Variants in ARIH2 observed in about 807,000 individuals in gnomAD.
ARIH2 encodes ariadne RBR E3 ubiquitin protein ligase 2, also known as E3 ubiquitin-protein ligase ARIH2.
A neutral mutation model predicts 79.8 loss-of-function variants in ARIH2; 12 were observed. That is an observed-to-expected ratio of 0.15 (90% CI 0.10 to 0.24). ARIH2 has a LOEUF of 0.24. ARIH2 is among the 10% of genes least tolerant of loss of function. The pLI, the probability that ARIH2 is intolerant of heterozygous loss-of-function variation, is 1.00. For synonymous variants in ARIH2, 224 were observed against 213.9 expected (o/e 1.05, Z -0.41); for missense variants, 301 against 618.3 (o/e 0.49, Z 5.44).
chr3:48,974,695 G>A, intron 9 of ARIH2, 122 bp from the exon 10 acceptor site: 1 of 940,546 alleles, frequency 1.1e-6, no homozygotes, highest in Non-Finnish European at 1.7e-6. Context: ...TAAGTGAGGT[G>A]CTCCTCCCCA....
chr3:48,942,645 ATTTTTTTTT>A (rs745532484), intron 3 of ARIH2, among the ~76,000 whole-genome samples: 1 of 104,730 alleles, frequency 9.5e-6, no homozygotes, highest in African/African-American at 3.7e-5. Context: ...TGCCCGGCTA[ATTTTTTTTT>A]TTTTTTTTTT....
intron 11 of ARIH2, 52 bp downstream of exon 11, chr3:48,975,031 G>T: frequency 1.9e-6 from 3 of 1,614,098 alleles, no homozygotes; most frequent in Non-Finnish European, 2.5e-6. Context: ...TTGTGGTTGG[G>T]TCTCCGTTAC....
intron 3 of ARIH2, among the ~76,000 whole-genome samples, chr3:48,935,272 A>G (rs1053567400): frequency 2.0e-5 from 3 of 152,242 alleles, no homozygotes; most frequent in Non-Finnish European, 2.9e-5. Context: ...CCTGGTAGAC[A>G]TTGCATTATA....
At position 48,985,642 on chromosome 3, in the gene ARIH2, T is replaced by C. The variant is rs1222351320; in HGVS notation, c.*2372T>C. On this transcript the variant is annotated 3_prime_UTR_variant, in exon 16 of 16. Coordinates refer to ENST00000356401, the MANE Select transcript of ARIH2 (RefSeq NM_006321.4). Reference sequence around the variant, plus strand: ...GAGTGCCTTCCTATCAGTCAGCCCCTTCTTCCAGAGGGCTGTGGAGGCCCC... The same window carrying C: ...GAGTGCCTTCCTATCAGTCAGCCCCCTCTTCCAGAGGGCTGTGGAGGCCCC... The C allele has an allele frequency of 6.6e-6, 1 of 152,248 alleles. No homozygotes were observed. Among genetic ancestry groups the C allele is most frequent in the Non-Finnish European group, 1.5e-5 (1 of 68,050 alleles). 9.4% of individuals were successfully genotyped at this position (152,248 alleles called of 1,614,324 possible).
chr3:48,945,342 G>A (rs1267978116), intron 3 of ARIH2, among the ~76,000 whole-genome samples: 3 of 152,168 alleles, frequency 2.0e-5, no homozygotes, highest in Non-Finnish European at 2.9e-5. Context: ...CACTGATCAC[G>A]TTCATGGATA....
rs369002532 is a variant in ARIH2, at chr3:48,980,515, A to G, written c.1257+19A>G. 6 of 1,612,230 alleles carry G rather than the reference A, an allele frequency of 3.7e-6. No homozygotes were observed. The African/African-American group carries it at 5.3e-5, about 14-fold the overall frequency. On this transcript the variant is annotated intron_variant, in intron 13 of 15. Transcript: ENST00000356401. Reference sequence around the variant, plus strand: ...GGCCAAGGTATCTACCACTTCACTCATCTTATCCCTGGTCCAGTGCCTGGC... The same window carrying G: ...GGCCAAGGTATCTACCACTTCACTCGTCTTATCCCTGGTCCAGTGCCTGGC...
chr3:48,978,074 G>A (rs568698882), intron 11 of ARIH2, among the ~76,000 whole-genome samples: 1 of 152,166 alleles, frequency 6.6e-6, no homozygotes, highest in Admixed American at 6.5e-5. Context: ...GAGGACTTCA[G>A]ACAAGTTTTG....
At chr3:48,977,130 A>T (rs1362765149) in intron 11 of ARIH2, among the ~76,000 whole-genome samples, 1 of 151,564 alleles carries the variant, frequency 6.6e-6, no homozygotes, top group African/African-American at 2.4e-5. Context: ...TGAACCAGGG[A>T]GGTGTAGGTT....
chr3:48,979,370 T>C, intron 11 of ARIH2, 112 bp from the exon 12 acceptor site: 1 of 1,153,686 alleles, frequency 8.7e-7, no homozygotes, highest in South Asian at 1.6e-5. Context: ...CTTGGGAAGT[T>C]GTGTTCAGGT....
intron 3 of ARIH2, chr3:48,945,068 A>G (rs1157492352): frequency 1.6e-6 from 2 of 1,260,606 alleles, no homozygotes; most frequent in Non-Finnish European, 2.1e-6. Flanking sequence ...GTAGCCTTAA[A>G]AGATTTCAGG....
chr3:48,962,657 T>C (rs1489992355), intron 4 of ARIH2, among the ~76,000 whole-genome samples: 1 of 152,146 alleles, frequency 6.6e-6, no homozygotes, highest in Non-Finnish European at 1.5e-5. Flanking sequence ...AACTCTTTGT[T>C]GTGGGGGGCC....
At position 48,939,101 on chromosome 3, in the gene ARIH2, G is replaced by A. The variant is rs180767777; in HGVS notation, c.255+11288G>A. 7.0e-3 allele frequency among the ~76,000 whole-genome samples: 1,060 copies of A among 152,076 alleles called. 17 individuals carry two copies. Among genetic ancestry groups the A allele is most frequent in the African/African-American group, 0.024 (992 of 41,476 alleles). ...TCCTGCCTCAGCCTCCTGAGTAGCT[G>A]GGACTACAGGCGCCTGCCACCACAC... On this transcript the variant is annotated intron_variant, in intron 3 of 15. Coordinates refer to ENST00000356401, the MANE Select transcript of ARIH2 (RefSeq NM_006321.4).
At chr3:48,979,671 G>A (rs2092682290) in intron 12 of ARIH2, 38 bp downstream of exon 12, 1 of 1,607,276 alleles carries the variant, frequency 6.2e-7, no homozygotes, top group Admixed American at 1.7e-5. Context: ...TACAGGGTAG[G>A]CTTCTTCCAC....
chr3:48,981,760 G>T (rs113322395), intron 14 of ARIH2, 32 bp downstream of exon 14: 1 of 1,579,996 alleles, frequency 6.3e-7, no homozygotes. Flanking sequence ...ACTCTGTCCC[G>T]TTAGCCTCAA....
chr3:48,945,620 T>G (rs1410415308), intron 3 of ARIH2, among the ~76,000 whole-genome samples: 1 of 152,200 alleles, frequency 6.6e-6, no homozygotes. Flanking sequence ...TCTCTGGTAT[T>G]TTAAGTTCTT....
At chr3:48,934,896 T>C (rs1280093163) in intron 3 of ARIH2, 5 of 985,294 alleles carry the variant, frequency 5.1e-6, no homozygotes, top group Non-Finnish European at 6.0e-6. Context: ...CTTTTTGTTG[T>C]GCTTTCTGTC....
intron 6 of ARIH2, 68 bp from the exon 7 acceptor site, chr3:48,968,466 C>G (rs1463957528): frequency 6.5e-7 from 1 of 1,532,868 alleles, no homozygotes; most frequent in Non-Finnish European, 8.9e-7. Context: ...GCCTTGGCCT[C>G]CCAAAGTGCT....
At chr3:48,955,860 G>GT (rs919835242) in intron 3 of ARIH2, among the ~76,000 whole-genome samples, 2 of 152,160 alleles carry the variant, frequency 1.3e-5, no homozygotes, top group African/African-American at 4.8e-5. Context: ...CAGGGAGAAG[G>GT]TAGCCTCCTT....
intron 3 of ARIH2, among the ~76,000 whole-genome samples, chr3:48,928,544 C>G (rs1231859496): frequency 2.0e-5 from 3 of 152,154 alleles, no homozygotes; most frequent in Non-Finnish European, 4.4e-5. Flanking sequence ...AAATATTTCT[C>G]TTTAGTGTTT....
Sources: allele counts gnomAD v4.1 joint callset (sites outside exome capture counted in the v4.1 genomes callset), GRCh38; gene constraint gnomAD v4.1.1; transcripts MANE v1.5; gene names NCBI Gene and HGNC (gene_info 2026-07-23, HGNC 2026-07-21).